ABRAXAS2: variants seen among roughly 807,000 people sequenced by gnomAD.
ABRAXAS2 encodes abraxas 2, BRISC complex subunit.
Under a neutral mutation model 49.0 loss-of-function variants are expected in ABRAXAS2, and 23 were observed. The ratio of observed to expected loss-of-function variants is 0.47; its 90% CI spans 0.34 to 0.66. ABRAXAS2 has a LOEUF of 0.66. ABRAXAS2 is among the 30% of genes least tolerant of loss of function. The pLI, the probability that ABRAXAS2 is intolerant of heterozygous loss-of-function variation, is 0.01. For missense variants in ABRAXAS2, 443 were observed against 511.9 expected (o/e 0.87, Z 1.30); for synonymous variants, 168 against 180.2 (o/e 0.93, Z 0.54).
intron 3 of ABRAXAS2, among the ~76,000 whole-genome samples, chr10:124,818,381 G>C (rs1035402003): frequency 1.4e-5 from 2 of 148,096 alleles, no homozygotes; most frequent in African/African-American, 5.0e-5. Flanking sequence ...GGGTGACAGA[G>C]CGAGACTCCA....
chr10:124,834,193 C>T (rs1390606592), intron 8 of ABRAXAS2, among the ~76,000 whole-genome samples: 1 of 152,200 alleles, frequency 6.6e-6, no homozygotes, highest in Non-Finnish European at 1.5e-5. Flanking sequence ...AGGCCCACTT[C>T]CAGCTGTCCC....
intron 4 of ABRAXAS2, among the ~76,000 whole-genome samples, chr10:124,825,334 A>AG: frequency 6.6e-6 from 1 of 151,686 alleles, no homozygotes; most frequent in Admixed American, 6.6e-5. Context: ...AAAAAAAAAA[A>AG]AAAAATTATA....
chr10:124,820,788 T>G (rs1229428368), intron 4 of ABRAXAS2, among the ~76,000 whole-genome samples: 1 of 152,138 alleles, frequency 6.6e-6, no homozygotes, highest in African/African-American at 2.4e-5. Context: ...ATCTTAATTA[T>G]ACTTTCTAAA....
chr10:124,813,047 C>G (rs1227525753), intron 2 of ABRAXAS2, among the ~76,000 whole-genome samples: 1 of 151,976 alleles, frequency 6.6e-6, no homozygotes, highest in East Asian at 1.9e-4. Flanking sequence ...ACTAAAAGTA[C>G]AAAATTAGCC....
At chr10:124,832,656 C>T (rs1329880559) in intron 8 of ABRAXAS2, among the ~76,000 whole-genome samples, 2 of 151,354 alleles carry the variant, frequency 1.3e-5, no homozygotes, top group African/African-American at 4.9e-5. Flanking sequence ...ACTAGCCTGG[C>T]CAAAGTGGTG....
chr10:124,834,658 A>G lies in ABRAXAS2; in HGVS notation c.935A>G (p.His312Arg). 6.2e-7 allele frequency: 1 copy of G among 1,614,052 alleles called. No homozygotes were observed. The highest frequency in any genetic ancestry group is 8.5e-7 in the Non-Finnish European group (1 of 1,179,998). Residue 312 changes from histidine (H) to arginine (R), a missense_variant, in exon 9 of 9, where the codon CAC (histidine) becomes CGC (arginine). Transcript: ENST00000298492. ...CCTCCTCCCCCTTACTCTGATTTTC[A>G]CCCAAACAATCAAGAAAGTACTTTG... Reference protein sequence around the residue: ...SDPPPPYSDFHPNNQESTLSH... With the variant: ...SDPPPPYSDFRPNNQESTLSH...
At chr10:124,806,468 A>G (rs1207662763) in intron 1 of ABRAXAS2, among the ~76,000 whole-genome samples, 1 of 152,228 alleles carries the variant, frequency 6.6e-6, no homozygotes, top group Non-Finnish European at 1.5e-5. Flanking sequence ...TTTTTACAAC[A>G]ACAAAATAAA....
At position 124,801,821 on chromosome 10, in the gene ABRAXAS2, A is replaced by C. The variant is rs773339009; in HGVS notation, c.-9A>C. ...GCGGGGCATGATGGGGTAGCTGGAG[A>C]TTTCCATCATGGCGGCGTCCATTTC... is the stretch of plus-strand genomic sequence containing the variant. On this transcript the variant is annotated 5_prime_UTR_variant, in exon 1 of 9. Transcript: ENST00000298492. 5 of 1,612,300 alleles carry C rather than the reference A, an allele frequency of 3.1e-6. No individual in the cohort carries two copies. Among genetic ancestry groups the C allele is most frequent in the Middle Eastern group, 1.6e-4 (1 of 6,080 alleles).
At chr10:124,825,266 C>T (rs1334771661) in intron 4 of ABRAXAS2, among the ~76,000 whole-genome samples, 2 of 141,694 alleles carry the variant, frequency 1.4e-5, no homozygotes, top group South Asian at 2.2e-4. Flanking sequence ...TGCTGTGAGC[C>T]GAGATCATGC....
At chr10:124,818,441 A>G (rs1950839384) in intron 3 of ABRAXAS2, among the ~76,000 whole-genome samples, 2 of 152,118 alleles carry the variant, frequency 1.3e-5, no homozygotes, top group Non-Finnish European at 2.9e-5. Context: ...ATTAGAGCCA[A>G]AAGAAACCTT....
At position 124,835,002 on chromosome 10, in the gene ABRAXAS2, G is replaced by A; in HGVS notation, c.*31G>A. The A allele has an allele frequency of 2.0e-6, 3 of 1,507,826 alleles. No individual in the cohort carries two copies. The highest frequency in any genetic ancestry group is 2.7e-6 in the Non-Finnish European group (3 of 1,118,302). 93.4% of individuals were successfully genotyped at this position (1,507,826 alleles called of 1,614,324 possible). On this transcript the variant is annotated 3_prime_UTR_variant, in exon 9 of 9. Coordinates refer to ENST00000298492, the MANE Select transcript of ABRAXAS2 (RefSeq NM_032182.4). ...CAAAAGAAACTCTCCACCTAGCACT[G>A]TTTTTCTTCATTGCTTACTGAGAGG...
At chr10:124,815,996 G>A (rs762513277) in intron 2 of ABRAXAS2, among the ~76,000 whole-genome samples, 7 of 150,682 alleles carry the variant, frequency 4.6e-5, no homozygotes, top group Non-Finnish European at 7.4e-5. Flanking sequence ...TCAGCCTCCC[G>A]GGTTCAAGTG....
At chr10:124,832,288 G>T (rs2134173897) in intron 8 of ABRAXAS2, among the ~76,000 whole-genome samples, 1 of 152,198 alleles carries the variant, frequency 6.6e-6, no homozygotes, top group South Asian at 2.1e-4. Context: ...TTAGGCTAAG[G>T]AACAAACTGA....
chr10:124,809,751 ATTT>A (rs556850092), intron 2 of ABRAXAS2, among the ~76,000 whole-genome samples: 1 of 135,950 alleles, frequency 7.4e-6, no homozygotes, highest in Non-Finnish European at 1.6e-5. Context: ...ACATTATGAG[ATTT>A]TTTTTTTTTT....
chr10:124,819,937 G>A (rs1950851219), intron 4 of ABRAXAS2, among the ~76,000 whole-genome samples: 1 of 152,106 alleles, frequency 6.6e-6, no homozygotes, highest in Non-Finnish European at 1.5e-5. Context: ...TTTTATTGTT[G>A]CAGTAGTGTC....
intron 8 of ABRAXAS2, among the ~76,000 whole-genome samples, chr10:124,831,840 GTCTTTTTTTTTTTT>G (rs1353831571): frequency 7.5e-5 from 8 of 106,208 alleles, no homozygotes; most frequent in Non-Finnish European, 1.3e-4. Context: ...ACTGTGTCCT[GTCTTTTTTTTTTTT>G]TTTTTTTTTT....
At chr10:124,807,871 C>A (rs932698935) in intron 2 of ABRAXAS2, among the ~76,000 whole-genome samples, 1 of 152,146 alleles carries the variant, frequency 6.6e-6, no homozygotes, top group East Asian at 1.9e-4. Flanking sequence ...CATACTATAA[C>A]GAATTCATAT....
chr10:124,807,050 C>T lies in ABRAXAS2; in HGVS notation c.163+129C>T, dbSNP rs945818520. 4.6e-5 allele frequency: 29 copies of T among 629,250 alleles called. 1 individual carries two copies. Among genetic ancestry groups the T allele is most frequent in the African/African-American group, 3.2e-4 (17 of 53,054 alleles). The allele number at this position is 629,250 out of a possible 1,614,324, so 39.0% of individuals were successfully genotyped here. On this transcript the variant is annotated intron_variant, in intron 2 of 8. Coordinates refer to ENST00000298492, the MANE Select transcript of ABRAXAS2 (RefSeq NM_032182.4). ...AGAGTATGCCAGGCGCGGTGGCTCA[C>T]GCCTGTAATCCCAGCACTTTGGGAG... is the stretch of plus-strand genomic sequence containing the variant.
intron 2 of ABRAXAS2, among the ~76,000 whole-genome samples, chr10:124,809,085 T>C (rs1048516943): frequency 6.6e-6 from 1 of 151,782 alleles, no homozygotes; most frequent in Non-Finnish European, 1.5e-5. Flanking sequence ...GAGCTGAGAT[T>C]GTGCCATTCC....
Sources: allele counts gnomAD v4.1 joint callset (sites outside exome capture counted in the v4.1 genomes callset), GRCh38; gene constraint gnomAD v4.1.1; transcripts MANE v1.5; gene names NCBI Gene and HGNC (gene_info 2026-07-23, HGNC 2026-07-21).